The following CTNNAL1 variants were observed in gnomAD, a reference collection of about 807,000 sequenced individuals.
The protein encoded by CTNNAL1 is alpha-catulin.
Under a neutral mutation model 93.6 loss-of-function variants are expected in CTNNAL1, and 69 were observed. The observed-to-expected ratio is 0.74, with a 90% CI of 0.61 to 0.90. The LOEUF (loss-of-function observed/expected upper bound fraction) is 0.90, where lower values mean the gene tolerates loss of function less well. Among genes scored for constraint, CTNNAL1 ranks in the 40% least tolerant of loss-of-function variants. The pLI, the probability that CTNNAL1 is intolerant of heterozygous loss-of-function variation, is 0.00. For synonymous variants in CTNNAL1, 286 were observed against 305.4 expected (o/e 0.94, Z 0.66); for missense variants, 836 against 862.0 (o/e 0.97, Z 0.38).
intron 11 of CTNNAL1, among the ~76,000 whole-genome samples, chr9:108,958,063 C>CGAA (rs1830728362): frequency 1.2e-5 from 1 of 85,114 alleles, no homozygotes; most frequent in Non-Finnish European, 2.2e-5. Flanking sequence ...AAGACTGTCT[C>CGAA]AAAAAAAAAA....
rs561045613 is a variant in CTNNAL1 at position 109,010,974 on chromosome 9, A to C, written c.141+2328T>G. The stretch of plus-strand genomic sequence containing the variant: ...TGACCTATCTACCAACTAGAATATA[A>C]GCCCCTCAAAAAACAGCAACAAATA... On this transcript the variant is annotated intron_variant, in intron 1 of 18. Coordinates refer to ENST00000325551, the MANE Select transcript of CTNNAL1 (RefSeq NM_003798.4). Among the ~76,000 whole-genome samples, 8 of 152,338 alleles carry C rather than the reference A, an allele frequency of 5.3e-5. No individual in the cohort carries two copies. The East Asian group carries it at 1.5e-3, about 29-fold the overall frequency.
Position 108,965,438 on chromosome 9 carries a change from G to A in CTNNAL1, c.1531C>T (p.Gln511Ter), listed in dbSNP as rs767259981. The A allele has an allele frequency of 6.3e-6, 10 of 1,593,714 alleles. No individual in the cohort carries two copies. Among genetic ancestry groups the A allele is most frequent in the Non-Finnish European group, 8.5e-6 (10 of 1,170,694 alleles). Residue 511 changes from glutamine (Q) to a stop codon, truncating the protein, a stop_gained, in exon 11 of 19, where the codon CAA becomes TAA. Coordinates refer to ENST00000325551, the MANE Select transcript of CTNNAL1 (RefSeq NM_003798.4). LOFTEE classifies it high-confidence loss of function. Reference protein sequence around the residue: ...LDVFCEAWESQISDMSTLLRE... With the variant: ...LDVFCEAWES The stretch of plus-strand genomic sequence containing the variant: ...AGCAGTGTTGACATGTCACTAATTT[G>A]GGATTCCCAAGCTTCACAAAATACA...
At chr9:108,974,774 C>T (rs1434414748) in intron 8 of CTNNAL1, among the ~76,000 whole-genome samples, 1 of 152,170 alleles carries the variant, frequency 6.6e-6, no homozygotes, top group African/African-American at 2.4e-5. Context: ...CTGCAGTGAG[C>T]CATGTTCACA....
At position 109,013,381 on chromosome 9, in the gene CTNNAL1, G is replaced by C; in HGVS notation, c.62C>G (p.Ser21Cys). Residue 21 changes from serine to cysteine, a missense_variant, in exon 1 of 19, where the codon TCT becomes TGT. Ser to Cys is a moderately radical substitution (Grantham distance 112). Coordinates refer to ENST00000325551, the MANE Select transcript of CTNNAL1 (RefSeq NM_003798.4). ...TCCCGAGTCGAGGGCGAAGCCCGAA[G>C]AGCCGGAGCCGTAGACTGCTCCGGC... ...GGAGAVYGSG[S>C]SGFALDSGLE... is the part of the protein sequence containing the mutation. 6.6e-7 allele frequency: 1 copy of C among 1,512,940 alleles called. No individual in the cohort carries two copies. The highest frequency in any genetic ancestry group is 8.8e-7 in the Non-Finnish European group (1 of 1,130,744). 93.7% of individuals were successfully genotyped at this position (1,512,940 alleles called of 1,614,324 possible). A position where few individuals can be genotyped will look rare whatever the true frequency, so the allele number is the denominator to read the frequency against.
intron 11 of CTNNAL1, among the ~76,000 whole-genome samples, chr9:108,957,748 T>C (rs1564125607): frequency 6.6e-6 from 1 of 152,276 alleles, no homozygotes; most frequent in East Asian, 1.9e-4. Flanking sequence ...TCACCATCTA[T>C]CTTAATTCAA....
intron 10 of CTNNAL1, among the ~76,000 whole-genome samples, chr9:108,966,815 G>A (rs1830967260): frequency 6.6e-6 from 1 of 152,166 alleles, no homozygotes; most frequent in Admixed American, 6.5e-5. Flanking sequence ...AATATAGGCA[G>A]AAAATGGATG....
chr9:108,965,686 T>G (rs557607003), intron 10 of CTNNAL1, among the ~76,000 whole-genome samples, 158 bp from the exon 11 acceptor site: 1 of 152,234 alleles, frequency 6.6e-6, no homozygotes, highest in African/African-American at 2.4e-5. Context: ...AATATGAAGA[T>G]GCACAGTAGG....
At chr9:108,944,477 G>T (rs1830341474) in intron 15 of CTNNAL1, among the ~76,000 whole-genome samples, 2 of 152,204 alleles carry the variant, frequency 1.3e-5, no homozygotes, top group Admixed American at 6.5e-5. Context: ...ACATTTGAGA[G>T]AACCAATCCA....
intron 2 of CTNNAL1, among the ~76,000 whole-genome samples, 195 bp from the exon 3 acceptor site, chr9:108,993,014 C>T (rs545911003): frequency 6.6e-6 from 1 of 152,312 alleles, no homozygotes; most frequent in African/African-American, 2.4e-5. Context: ...TAATAGCACA[C>T]TCTTAAGAAC....
chr9:108,988,295 G>T (rs1340684094), intron 4 of CTNNAL1, among the ~76,000 whole-genome samples: 1 of 152,070 alleles, frequency 6.6e-6, no homozygotes, highest in African/African-American at 2.4e-5. Context: ...TGTTGGCCAG[G>T]CTGGTCTCAA....
intron 10 of CTNNAL1, 84 bp downstream of exon 10, chr9:108,970,318 A>C: frequency 8.2e-7 from 1 of 1,225,380 alleles, no homozygotes; most frequent in Non-Finnish European, 1.1e-6. Flanking sequence ...GTTATGAAAA[A>C]CCATTTATAC....
rs543306621 is a variant in CTNNAL1 at position 109,004,004 on chromosome 9, T to C, written c.142-4748A>G. Among the ~76,000 whole-genome samples, 17 of 152,354 alleles carry C rather than the reference T, an allele frequency of 1.1e-4. No individual in the cohort carries two copies. In the South Asian group the frequency reaches 2.1e-3, roughly 19 times the overall value. The stretch of plus-strand genomic sequence containing the variant: ...AACTTAGCTACTTATTTCTAACTAA[T>C]AGAATAAAACAGTAGTGACAGTATG... On this transcript the variant is annotated intron_variant, in intron 1 of 18. Coordinates refer to ENST00000325551, the MANE Select transcript of CTNNAL1 (RefSeq NM_003798.4).
chr9:109,009,173 GGT>G (rs1177592151), intron 1 of CTNNAL1, among the ~76,000 whole-genome samples: 1 of 151,958 alleles, frequency 6.6e-6, no homozygotes. Context: ...TGGGACTACA[GGT>G]GTGAGCCACT....
At position 109,001,011 on chromosome 9, in the gene CTNNAL1, A is replaced by C. The variant is rs1826802425; in HGVS notation, c.142-1755T>G. Reference sequence around the variant, plus strand: ...CCCCATCTGTACTAAAAATACAAAAAAAAAAAAAAAATTAGCCGGGTGTGG... The same window carrying C: ...CCCCATCTGTACTAAAAATACAAAACAAAAAAAAAAATTAGCCGGGTGTGG... On this transcript the variant is annotated intron_variant, in intron 1 of 18. Coordinates refer to ENST00000325551, the MANE Select transcript of CTNNAL1 (RefSeq NM_003798.4). Among the ~76,000 whole-genome samples, 6 of 150,982 alleles carry C rather than the reference A, an allele frequency of 4.0e-5. No homozygotes were observed. The South Asian group carries it at 1.3e-3, about 32-fold the overall frequency.
chr9:108,972,864 G>GGGGGGGGGGAA, intron 8 of CTNNAL1, 31 bp from the exon 9 acceptor site: 5 of 142,590 alleles, frequency 3.5e-5, no homozygotes, highest in Non-Finnish European at 4.0e-5. Context: ...GGGGGGGTGG[G>GGGGGGGGGGAA]AGGGTGGAGA....
intron 7 of CTNNAL1, among the ~76,000 whole-genome samples, chr9:108,978,793 C>T (rs1684315081): frequency 6.6e-6 from 1 of 152,052 alleles, no homozygotes; most frequent in African/African-American, 2.4e-5. Flanking sequence ...TGGATCTACC[C>T]TTGTTTTCAT....
intron 10 of CTNNAL1, among the ~76,000 whole-genome samples, chr9:108,967,530 A>G (rs1008397467): frequency 1.3e-5 from 2 of 152,234 alleles, no homozygotes; most frequent in African/African-American, 4.8e-5. Context: ...CATTATAACA[A>G]GCAGTGGGAG....
chr9:108,994,115 C>G (rs1301421846), intron 2 of CTNNAL1, among the ~76,000 whole-genome samples: 1 of 152,066 alleles, frequency 6.6e-6, no homozygotes, highest in Non-Finnish European at 1.5e-5. Context: ...GCCTGTAATC[C>G]CAGCTACTCA....
At chr9:108,991,981 G>A (rs1312262212) in intron 3 of CTNNAL1, 3 of 720,950 alleles carry the variant, frequency 4.2e-6, no homozygotes, top group Non-Finnish European at 7.8e-6. Flanking sequence ...GTAACATTTA[G>A]GGACTCTGAG....
Sources: allele counts gnomAD v4.1 joint callset (sites outside exome capture counted in the v4.1 genomes callset), GRCh38; gene constraint gnomAD v4.1.1; transcripts MANE v1.5; gene names NCBI Gene and HGNC (gene_info 2026-07-23, HGNC 2026-07-21).